Variants in TAFA5 observed in about 807,000 individuals in gnomAD.
TAFA5 encodes the protein TAFA chemokine like family member 5, also known as chemokine-like protein TAFA-5.
TAFA5 carries 6 observed loss-of-function variants against 15.3 expected under a neutral mutation model. That is an observed-to-expected ratio of 0.39 (90% confidence interval 0.21 to 0.77). The LOEUF (loss-of-function observed/expected upper bound fraction) is 0.77, where lower values mean the gene tolerates loss of function less well. TAFA5 is among the 30% of genes least tolerant of loss of function. The pLI, the probability that TAFA5 is intolerant of heterozygous loss-of-function variation, is 0.41. For missense variants in TAFA5, 161 were observed against 193.1 expected, an observed-to-expected ratio of 0.83 and a Z score of 0.98; for synonymous variants, 103 against 80.7, an observed-to-expected ratio of 1.28 and a Z score of -1.48.
chr22:48,707,582 AGG>A, intron 2 of TAFA5, 133 bp from the exon 3 acceptor site: 4 of 1,011,254 alleles, frequency 4.0e-6, no homozygotes, highest in Non-Finnish European at 5.7e-6. Context: ...TCCCTGTGTG[AGG>A]GTCCCTGGGT....
At chr22:48,573,851 C>T (rs139954574) in intron 1 of TAFA5, among the ~76,000 whole-genome samples, 2 of 152,312 alleles carry the variant, frequency 1.3e-5, no homozygotes, top group Admixed American at 6.5e-5. Flanking sequence ...AAATGATATG[C>T]ACCTGATTGG....
At chr22:48,497,096 G>A (rs987027386) in intron 1 of TAFA5, among the ~76,000 whole-genome samples, 1 of 152,210 alleles carries the variant, frequency 6.6e-6, no homozygotes, top group African/African-American at 2.4e-5. Context: ...TCCTCCCGGT[G>A]CCAGCTCCAC....
chr22:48,533,239 A>G (rs1922032821), intron 1 of TAFA5, among the ~76,000 whole-genome samples: 1 of 152,078 alleles, frequency 6.6e-6, no homozygotes, highest in Non-Finnish European at 1.5e-5. Context: ...CAAAGAATAG[A>G]AGTCTCATCG....
intron 3 of TAFA5, among the ~76,000 whole-genome samples, chr22:48,710,398 A>T (rs1489906783): frequency 1.3e-5 from 2 of 152,110 alleles, no homozygotes; most frequent in East Asian, 3.9e-4. Context: ...GTTCACCCAG[A>T]ACGCCTGTCT....
chr22:48,527,648 C>T (rs1334424404), intron 1 of TAFA5, among the ~76,000 whole-genome samples: 1 of 152,208 alleles, frequency 6.6e-6, no homozygotes, highest in Non-Finnish European at 1.5e-5. Flanking sequence ...ACCACAGCAC[C>T]TGTTGGAAGC....
At chr22:48,495,556 T>A (rs962829003) in intron 1 of TAFA5, among the ~76,000 whole-genome samples, 2 of 152,072 alleles carry the variant, frequency 1.3e-5, no homozygotes, top group Non-Finnish European at 2.9e-5. Flanking sequence ...GGGAGGCTCC[T>A]CCATCCTTGT....
rs574062825 is a variant in TAFA5 at position 48,639,940 on chromosome 22, C to T, written c.113-6657C>T. The stretch of plus-strand genomic sequence containing the variant: ...CACAGGCCCCAAATCGTGACCGCAC[C>T]CCCCCAACCCCGCCGCCCAAGGCCT... On this transcript the variant is annotated intron_variant, in intron 1 of 3. Transcript: ENST00000402357. 1.7e-3 allele frequency among the ~76,000 whole-genome samples: 252 copies of T among 149,916 alleles called. 1 individual carries two copies. The highest frequency in any genetic ancestry group is 4.6e-3 in the Admixed American group (70 of 15,238).
rs1239861367 is a variant in TAFA5, at chr22:48,567,496, CG to C, written c.112+77793del. ...ATTTCAAAAAGGAGAGCAGGGTGAT[CG>C]TGGGTGCGGGTCTGGAGATAAGAGT... On this transcript the variant is annotated intron_variant, in intron 1 of 3. Transcript: ENST00000402357. Among the ~76,000 whole-genome samples the C allele has an allele frequency of 3.3e-5, 5 of 152,186 alleles. No individual in the cohort carries two copies. In the South Asian group the frequency reaches 6.2e-4, roughly 19 times the overall value.
rs1234186856 is a variant in TAFA5, at chr22:48,576,220, C to G, written c.113-70377C>G. 11 of 373,818 alleles carry G rather than the reference C, an allele frequency of 2.9e-5. No homozygotes were observed. The Admixed American group carries it at 4.3e-4, about 14-fold the overall frequency. 23.2% of individuals were successfully genotyped at this position (373,818 alleles called of 1,614,324 possible). A position where few individuals can be genotyped will look rare whatever the true frequency, so the allele number is the denominator to read the frequency against. On this transcript the variant is annotated intron_variant, in intron 1 of 3. Coordinates refer to ENST00000402357, the MANE Select transcript of TAFA5 (RefSeq NM_001082967.3). Reference sequence around the variant, plus strand: ...GGTCGGAGCGGCGGCCGCCGCGGCCCGAGACTTTCTGCTAACCTCCCCGCC... The same window carrying G: ...GGTCGGAGCGGCGGCCGCCGCGGCCGGAGACTTTCTGCTAACCTCCCCGCC...
At chr22:48,699,621 G>C (rs573574645) in intron 2 of TAFA5, among the ~76,000 whole-genome samples, 2 of 152,232 alleles carry the variant, frequency 1.3e-5, no homozygotes, top group South Asian at 4.2e-4. Context: ...TTGTCATCAC[G>C]CCTTATATTT....
rs904032727 is a variant in TAFA5 at position 48,560,389 on chromosome 22, G to C, written c.112+70685G>C. Among the ~76,000 whole-genome samples the C allele has an allele frequency of 6.6e-6, 1 of 152,138 alleles. No homozygotes were observed. Among genetic ancestry groups the C allele is most frequent in the Non-Finnish European group, 1.5e-5 (1 of 68,028 alleles). On this transcript the variant is annotated intron_variant, in intron 1 of 3. Coordinates refer to ENST00000402357, the MANE Select transcript of TAFA5 (RefSeq NM_001082967.3). The surrounding 1 kb of genome is among the most constrained non-coding windows in gnomAD (Gnocchi z 4.2). The stretch of plus-strand genomic sequence containing the variant: ...CCATTCTCGGCCTCCAATCCCTGGA[G>C]ACCACACGTGGGATGCCAGGAGCAC...
chr22:48,545,249 G>A (rs774296654), intron 1 of TAFA5: 5 of 264,692 alleles, frequency 1.9e-5, no homozygotes, highest in Non-Finnish European at 2.3e-5. Context: ...GCCATTTGGC[G>A]TAAGGCCTCT....
chr22:48,587,515 G>A (rs554754731), intron 1 of TAFA5, among the ~76,000 whole-genome samples: 2 of 152,308 alleles, frequency 1.3e-5, no homozygotes, highest in Admixed American at 1.3e-4. Context: ...CACCAAGGAG[G>A]CAGTGGCTGC....
chr22:48,554,891 C>A (rs2147128542), intron 1 of TAFA5, among the ~76,000 whole-genome samples: 1 of 152,322 alleles, frequency 6.6e-6, no homozygotes, highest in Non-Finnish European at 1.5e-5. Flanking sequence ...CAGGTGCTTC[C>A]TCTCCCCATA....
chr22:48,700,814 A>T (rs1042962544), intron 2 of TAFA5, among the ~76,000 whole-genome samples: 1 of 152,198 alleles, frequency 6.6e-6, no homozygotes, highest in African/African-American at 2.4e-5. Context: ...ATCCTGTTAT[A>T]GCAAACAAGT....
chr22:48,528,453 TGCACTGGCTGCCTGCA>T (rs1364293573), intron 1 of TAFA5, among the ~76,000 whole-genome samples: 2 of 152,142 alleles, frequency 1.3e-5, no homozygotes, highest in Non-Finnish European at 2.9e-5. Flanking sequence ...CTCTGCACCC[TGCACTGGCTGCCTGCA>T]GCCACTGCAC....
At chr22:48,491,439 A>G (rs1306061178) in intron 1 of TAFA5, among the ~76,000 whole-genome samples, 1 of 152,170 alleles carries the variant, frequency 6.6e-6, no homozygotes. Flanking sequence ...GAGGGGCTGT[A>G]GTGCCCTGAG....
chr22:48,512,245 G>A (rs553572926), intron 1 of TAFA5, among the ~76,000 whole-genome samples: 2 of 152,202 alleles, frequency 1.3e-5, no homozygotes, highest in South Asian at 2.1e-4. Context: ...GCTGCCTCTC[G>A]CTGCGCGGCC....
chr22:48,576,039 A>ACAC (rs1569031167), intron 1 of TAFA5, among the ~76,000 whole-genome samples: 1 of 31,436 alleles, frequency 3.2e-5, no homozygotes, highest in Non-Finnish European at 5.1e-5. Flanking sequence ...GCCGCGCCGG[A>ACAC]CCCCCCCCCC....
Sources: allele counts gnomAD v4.1 joint callset (sites outside exome capture counted in the v4.1 genomes callset), GRCh38; gene constraint gnomAD v4.1.1; non-coding constraint Gnocchi (gnomAD v3.1); transcripts MANE v1.5; gene names NCBI Gene and HGNC (gene_info 2026-07-23, HGNC 2026-07-21).